Variants in GRIK4 observed in about 807,000 individuals in gnomAD.
GRIK4 encodes glutamate receptor ionotropic, kainate 4.
Under a neutral mutation model 104.9 loss-of-function variants are expected in GRIK4, and 40 were observed. That is an observed-to-expected ratio of 0.38 (90% CI 0.30 to 0.50). The LOEUF is 0.50. Among genes scored for constraint, GRIK4 ranks in the 20% least tolerant of loss-of-function variants. The probability of loss-of-function intolerance (pLI) is 0.93; values close to 1 mark genes in which losing one functional copy is unlikely to be tolerated. For missense variants in GRIK4, 1,047 were observed against 1,308.1 expected (o/e 0.80, Z 3.08); for synonymous variants, 485 against 524.9 (o/e 0.92, Z 1.04).
intron 3 of GRIK4, among the ~76,000 whole-genome samples, chr11:120,705,839 G>A (rs1176491715): frequency 6.6e-6 from 1 of 152,152 alleles, no homozygotes; most frequent in Non-Finnish European, 1.5e-5. Context: ...AAACTCAACT[G>A]ATTTTGGCAC....
intron 8 of GRIK4, among the ~76,000 whole-genome samples, chr11:120,850,468 A>C (rs1478619958): frequency 6.6e-6 from 1 of 152,200 alleles, no homozygotes. Context: ...CACCAGGAGG[A>C]GAGTGCTGGA....
chr11:120,792,562 G>A (rs570952251), intron 3 of GRIK4, among the ~76,000 whole-genome samples: 19 of 152,184 alleles, frequency 1.2e-4, no homozygotes, highest in African/African-American at 4.1e-4. Context: ...TGAAAGGACC[G>A]AAGTAGGGTG....
chr11:120,620,052 T>C (rs917030085), intron 1 of GRIK4: 15 of 640,574 alleles, frequency 2.3e-5, no homozygotes, highest in Non-Finnish European at 4.1e-5. Flanking sequence ...ACGTGCATAC[T>C]TTTGATAGCA....
intron 13 of GRIK4, among the ~76,000 whole-genome samples, chr11:120,910,640 C>A (rs1942970263): frequency 6.6e-6 from 1 of 152,210 alleles, no homozygotes; most frequent in African/African-American, 2.4e-5. Flanking sequence ...CAGGGGCCCT[C>A]TGTCTCATGC....
intron 3 of GRIK4, among the ~76,000 whole-genome samples, chr11:120,663,571 C>T (rs1949854794): frequency 6.6e-6 from 1 of 152,170 alleles, no homozygotes; most frequent in Non-Finnish European, 1.5e-5. Context: ...GCCCCTAACA[C>T]CTTGAGACTC....
intron 13 of GRIK4, among the ~76,000 whole-genome samples, chr11:120,929,578 T>C (rs1488930163): frequency 6.6e-6 from 1 of 152,174 alleles, no homozygotes; most frequent in Non-Finnish European, 1.5e-5. Flanking sequence ...ACAAAAGGAC[T>C]GGGGCCTGGG....
At chr11:120,662,222 A>G (rs1284785122) in intron 3 of GRIK4, among the ~76,000 whole-genome samples, 2 of 152,122 alleles carry the variant, frequency 1.3e-5, no homozygotes, top group African/African-American at 4.8e-5. Context: ...TCCCAAACCC[A>G]TACTCTGAAC....
chr11:120,899,941 T>A (rs143473476), intron 12 of GRIK4, among the ~76,000 whole-genome samples: 159 of 152,300 alleles, frequency 1.0e-3, no homozygotes, highest in African/African-American at 3.6e-3. Flanking sequence ...CTTTTGGAGA[T>A]AATAAAAAGA....
intron 3 of GRIK4, among the ~76,000 whole-genome samples, chr11:120,761,149 A>G (rs1191070549): frequency 1.3e-5 from 2 of 152,144 alleles, no homozygotes; most frequent in Non-Finnish European, 1.5e-5. Flanking sequence ...TCTAAGTAGC[A>G]TGAGATGGTA....
In GRIK4 at chr11:120,622,411, T is replaced by C. The variant is rs142179054; in HGVS notation, c.-158-31274T>C. On this transcript the variant is annotated intron_variant, in intron 1 of 20. Coordinates refer to ENST00000527524, the MANE Select transcript of GRIK4 (RefSeq NM_014619.5). ...GAGACACTTATCTGGGTAGTTTGAC[T>C]TCAAAGCCATGCCTTTAACCACTGG... Among the ~76,000 whole-genome samples the C allele has an allele frequency of 6.3e-3, 965 of 152,324 alleles. 15 individuals are homozygous for C. Among genetic ancestry groups the C allele is most frequent in the African/African-American group, 0.022 (917 of 41,554 alleles).
chr11:120,658,319 G>A (rs977434254), intron 2 of GRIK4, among the ~76,000 whole-genome samples: 3 of 152,128 alleles, frequency 2.0e-5, no homozygotes, highest in Admixed American at 2.0e-4. Flanking sequence ...TTGGGGAAAC[G>A]AAACCACCAG....
At chr11:120,960,130 A>G (rs938470050) in intron 16 of GRIK4, among the ~76,000 whole-genome samples, 16 of 152,296 alleles carry the variant, frequency 1.1e-4, no homozygotes, top group Non-Finnish European at 1.8e-4. Flanking sequence ...AGAGATAGAG[A>G]CCATCCTGGC....
At chr11:120,598,945 T>C (rs11217921) in intron 1 of GRIK4, among the ~76,000 whole-genome samples, 10,365 of 152,250 alleles carry the variant, frequency 0.068, 1,173 homozygotes, top group African/African-American at 0.23. Context: ...GGACTCCTTC[T>C]CTTGATGGGA....
intron 7 of GRIK4, among the ~76,000 whole-genome samples, chr11:120,836,070 G>T (rs1953568643): frequency 6.6e-6 from 1 of 152,172 alleles, no homozygotes; most frequent in African/African-American, 2.4e-5. Context: ...CACTCTGACA[G>T]AGTGGAGTTG....
chr11:120,630,039 C>T (rs1949315423), intron 1 of GRIK4, among the ~76,000 whole-genome samples: 1 of 152,194 alleles, frequency 6.6e-6, no homozygotes, highest in African/African-American at 2.4e-5. Context: ...CTGTGGACAC[C>T]ACTCAGGAGG....
chr11:120,905,703 C>G lies in GRIK4; in HGVS notation c.1476+210C>G, dbSNP rs993277652. Among the ~76,000 whole-genome samples, 1 of 152,220 alleles carries G rather than the reference C, an allele frequency of 6.6e-6. No individual in the cohort carries two copies. The highest frequency in any genetic ancestry group is 2.1e-4 in the South Asian group (1 of 4,830). ...GCCTGCAATGATCCCTATCCCGTGG[C>G]TTTCCCAGTCCAGAGCCTGTGACAA... On this transcript the variant is annotated intron_variant, in intron 13 of 20. Transcript: ENST00000527524. The surrounding 1 kb of genome is among the most constrained non-coding windows in gnomAD (Gnocchi z 5.1).
Position 120,815,362 on chromosome 11 carries a change from C to G in GRIK4, c.248-16C>G. 6.8e-7 allele frequency: 1 copy of G among 1,477,504 alleles called. No homozygotes were observed. The highest frequency in any genetic ancestry group is 9.2e-7 in the Non-Finnish European group (1 of 1,081,256). The allele number at this position is 1,477,504 out of a possible 1,614,324, so 91.5% of individuals were successfully genotyped here. A position where few individuals can be genotyped will look rare whatever the true frequency, so the allele number is the denominator to read the frequency against. ...GAGTGCTTTGCTTCTTTCCCTGTCCCTGCCGCTGGCTGCAGTGTGTCAGAT... is the reference window on the plus strand; with the variant it reads ...GAGTGCTTTGCTTCTTTCCCTGTCCGTGCCGCTGGCTGCAGTGTGTCAGAT... On this transcript the variant is annotated splice_polypyrimidine_tract_variant and intron_variant, in intron 4 of 20. Transcript: ENST00000527524.
chr11:120,653,110 C>G (rs1164398736), intron 1 of GRIK4, among the ~76,000 whole-genome samples: 1 of 152,228 alleles, frequency 6.6e-6, no homozygotes, highest in African/African-American at 2.4e-5. Flanking sequence ...TGCATGCATG[C>G]ATTTGACAGT....
chr11:120,758,092 G>A (rs1337988560), intron 3 of GRIK4, among the ~76,000 whole-genome samples: 1 of 152,120 alleles, frequency 6.6e-6, no homozygotes, highest in Non-Finnish European at 1.5e-5. Context: ...CATTCCTTAA[G>A]GCTCAGTGCA....
Sources: gnomAD v4.1 joint callset for allele counts (sites outside exome capture counted in the v4.1 genomes callset) on GRCh38, gnomAD v4.1.1 for gene constraint, Gnocchi (gnomAD v3.1) non-coding constraint, MANE v1.5 for transcripts, NCBI Gene and HGNC (gene_info 2026-07-23, HGNC 2026-07-21) for gene names.